Variants in STON1 observed in about 807,000 individuals in gnomAD.
STON1 encodes the protein stonin 1, also known as stonin-1.
In STON1, 79 loss-of-function variants were observed where a neutral mutation model predicts 60.9. That is an observed-to-expected ratio of 1.30 (90% confidence interval 1.08 to 1.56). The LOEUF is 1.56. STON1 is among the 40% of genes most tolerant of loss of function. The probability of loss-of-function intolerance (pLI) is 0.00; values close to 1 mark genes in which losing one functional copy is unlikely to be tolerated. For missense variants in STON1, 1,166 were observed against 858.9 expected, an observed-to-expected ratio of 1.36 and a Z score of -4.47; for synonymous variants, 363 against 306.9, an observed-to-expected ratio of 1.18 and a Z score of -1.91.
chr2:48,553,834 T>C (rs1268741643), intron 1 of STON1, among the ~76,000 whole-genome samples: 1 of 152,210 alleles, frequency 6.6e-6, no homozygotes, highest in Non-Finnish European at 1.5e-5. Flanking sequence ...TGTTTGAGTT[T>C]GAAGGGACCT....
At chr2:48,544,154 A>G (rs1037319179) in intron 1 of STON1, among the ~76,000 whole-genome samples, 1 of 151,956 alleles carries the variant, frequency 6.6e-6, no homozygotes, top group Non-Finnish European at 1.5e-5. Context: ...GATGATAGCT[A>G]TGACTATTCT....
At chr2:48,564,467 CT>C (rs1672771144) in intron 1 of STON1, among the ~76,000 whole-genome samples, 3 of 55,904 alleles carry the variant, frequency 5.4e-5, no homozygotes, top group African/African-American at 1.4e-4. Context: ...TCTTCTTCTT[CT>C]TCTTCTTCTT....
At chr2:48,532,461 G>T (rs575294872) in intron 1 of STON1, among the ~76,000 whole-genome samples, 1 of 148,468 alleles carries the variant, frequency 6.7e-6, no homozygotes, top group Admixed American at 6.7e-5. Flanking sequence ...AACAACAAAA[G>T]TAAGTCCATA....
intron 1 of STON1, among the ~76,000 whole-genome samples, chr2:48,575,907 C>T (rs537439286): frequency 6.0e-5 from 9 of 151,138 alleles, no homozygotes; most frequent in South Asian, 2.1e-4. Flanking sequence ...TACAGGTGTG[C>T]GCCACCACGC....
chr2:48,560,792 A>T lies in STON1; in HGVS notation c.-47-19795A>T, dbSNP rs1422814139. Among the ~76,000 whole-genome samples, 46 of 152,146 alleles carry T rather than the reference A, an allele frequency of 3.0e-4. 1 individual carries two copies. Among genetic ancestry groups the T allele is most frequent in the Admixed American group, 3.0e-3 (46 of 15,282 alleles). ...GATCCAGGCCTCTACCCCAGGCCCC[A>T]GCATCCATGCTGGGCAAGCAGGCCA... On this transcript the variant is annotated intron_variant, in intron 1 of 3. Transcript: ENST00000404752.
chr2:48,552,660 C>T (rs1349567800), intron 1 of STON1, among the ~76,000 whole-genome samples: 1 of 152,134 alleles, frequency 6.6e-6, no homozygotes, highest in East Asian at 1.9e-4. Context: ...ATCCCAGCTA[C>T]TCAGGATGCC....
intron 1 of STON1, among the ~76,000 whole-genome samples, chr2:48,548,145 T>C (rs550655574): frequency 6.6e-6 from 1 of 152,268 alleles, no homozygotes; most frequent in Non-Finnish European, 1.5e-5. Flanking sequence ...AGGATGTGGC[T>C]TGGCCAGGGC....
At chr2:48,575,687 T>A (rs1324778482) in intron 1 of STON1, among the ~76,000 whole-genome samples, 6 of 150,710 alleles carry the variant, frequency 4.0e-5, no homozygotes, top group Non-Finnish European at 5.9e-5. Context: ...AATAAATAAA[T>A]GAATTCTTTT....
rs568990536 is a variant in STON1, at chr2:48,574,373, C to T, written c.-47-6214C>T. On this transcript the variant is annotated intron_variant, in intron 1 of 3. Coordinates refer to ENST00000404752, the MANE Select transcript of STON1 (RefSeq NM_006873.4). Reference sequence around the variant, plus strand: ...CCTGAGCGACAGAGTGCAACTCCATCTCGAAAAAAAAAAAAAGAAAAGAAA... The same window carrying T: ...CCTGAGCGACAGAGTGCAACTCCATTTCGAAAAAAAAAAAAAGAAAAGAAA... 8.9e-5 allele frequency among the ~76,000 whole-genome samples: 13 copies of T among 146,716 alleles called. 1 individual carries two copies. The South Asian group carries it at 2.1e-3, about 24-fold the overall frequency.
chr2:48,566,930 TG>T (rs1368964759), intron 1 of STON1, among the ~76,000 whole-genome samples: 1 of 152,194 alleles, frequency 6.6e-6, no homozygotes, highest in Admixed American at 6.5e-5. Flanking sequence ...AAGCAGACTC[TG>T]AGCCTGGCTA....
Position 48,582,196 on chromosome 2 carries a change from T to TA in STON1, c.1565dup (p.Asn522LysfsTer4). The TA allele has an allele frequency of 6.2e-7, 1 of 1,614,236 alleles. No homozygotes were observed. Among genetic ancestry groups the TA allele is most frequent in the Non-Finnish European group, 8.5e-7 (1 of 1,180,042 alleles). On this transcript the variant is annotated frameshift_variant, in exon 2 of 4. Coordinates refer to ENST00000404752, the MANE Select transcript of STON1 (RefSeq NM_006873.4). LOFTEE classifies it high-confidence loss of function. ...AGCTGATGCGTTTCAAGACTTTGTA[T>TA]AATGGGGATAATCTTCCCTTTTCCT...
chr2:48,537,137 A>C (rs1394086476), intron 1 of STON1, among the ~76,000 whole-genome samples: 4 of 152,184 alleles, frequency 2.6e-5, no homozygotes, highest in Non-Finnish European at 5.9e-5. Context: ...TAGATGGTCC[A>C]GTACAGTGTT....
chr2:48,574,604 C>G (rs890375998), intron 1 of STON1, among the ~76,000 whole-genome samples: 26 of 152,182 alleles, frequency 1.7e-4, no homozygotes, highest in African/African-American at 6.3e-4. Flanking sequence ...GCCAAGTCAT[C>G]TCAGCTATGA....
chr2:48,556,224 C>G (rs1672347801), intron 1 of STON1, among the ~76,000 whole-genome samples: 1 of 35,312 alleles, frequency 2.8e-5, no homozygotes, highest in Non-Finnish European at 6.4e-5. Context: ...GGGGCTGACC[C>G]CCCCACCTCC....
intron 1 of STON1, among the ~76,000 whole-genome samples, chr2:48,539,125 C>T (rs1363883971): frequency 6.6e-6 from 1 of 152,062 alleles, no homozygotes; most frequent in Non-Finnish European, 1.5e-5. Flanking sequence ...GCTATGTTGA[C>T]CAGACTGGTC....
rs372876965 is a variant in STON1, at chr2:48,542,966, C to G, written c.-48+12750C>G. 7.8e-3 allele frequency among the ~76,000 whole-genome samples: 1,080 copies of G among 137,598 alleles called. 7 individuals are homozygous for G. Among genetic ancestry groups the G allele is most frequent in the African/African-American group, 0.012 (457 of 36,770 alleles). 90.3% of individuals were successfully genotyped at this position (137,598 alleles called of 152,430 possible). A position where few individuals can be genotyped will look rare whatever the true frequency, so the allele number is the denominator to read the frequency against. On this transcript the variant is annotated intron_variant, in intron 1 of 3. Coordinates refer to ENST00000404752, the MANE Select transcript of STON1 (RefSeq NM_006873.4). ...GAGTGGCCGTGGTTACTCCTAATAT[C>G]TTGACTTTTTTTTTTTTTTTTTTTT...
chr2:48,575,763 T>TG (rs1572967498), intron 1 of STON1, among the ~76,000 whole-genome samples: 1 of 140,316 alleles, frequency 7.1e-6, no homozygotes, highest in East Asian at 2.0e-4. Flanking sequence ...TTGTTTGTTT[T>TG]TTTTTTTTTT....
At chr2:48,546,455 G>A (rs72872786) in intron 1 of STON1, among the ~76,000 whole-genome samples, 4,846 of 152,250 alleles carry the variant, frequency 0.032, 255 homozygotes, top group African/African-American at 0.11. Flanking sequence ...GTTTCCATGA[G>A]GTGTTTGGAG....
chr2:48,577,033 G>A (rs796455318), intron 1 of STON1, among the ~76,000 whole-genome samples: 4 of 148,124 alleles, frequency 2.7e-5, no homozygotes, highest in African/African-American at 9.9e-5. Context: ...CAGCCTGGGC[G>A]ACTGAGCGAG....
Sources: gnomAD v4.1 joint callset for allele counts (sites outside exome capture counted in the v4.1 genomes callset) on GRCh38, gnomAD v4.1.1 for gene constraint, MANE v1.5 for transcripts, NCBI Gene and HGNC (gene_info 2026-07-23, HGNC 2026-07-21) for gene names.